COQ8A: variants seen among roughly 807,000 people sequenced by gnomAD.
COQ8A encodes atypical kinase COQ8A, mitochondrial.
In COQ8A, 51 loss-of-function variants were observed where a neutral mutation model predicts 65.0. That is an observed-to-expected ratio of 0.78 (90% confidence interval 0.63 to 0.99). The LOEUF (loss-of-function observed/expected upper bound fraction) is 0.99. COQ8A is among the 50% of genes least tolerant of loss of function. COQ8A has a pLI of 0.00. For synonymous variants in COQ8A, 371 were observed against 353.2 expected (o/e 1.05, Z -0.57); for missense variants, 940 against 875.0 (o/e 1.07, Z -0.94).
chr1:226,976,773 G>A (rs1659263180), intron 4 of COQ8A, among the ~76,000 whole-genome samples: 1 of 152,160 alleles, frequency 6.6e-6, no homozygotes, highest in Non-Finnish European at 1.5e-5. Flanking sequence ...GATTGTGAAA[G>A]AGGATAATGG....
intron 1 of COQ8A, among the ~76,000 whole-genome samples, chr1:226,948,685 G>A (rs772900347): frequency 9.2e-5 from 14 of 152,136 alleles, no homozygotes; most frequent in Non-Finnish European, 2.1e-4. Context: ...GGATCACTCT[G>A]TGTGTGTGGG....
Position 226,982,083 on chromosome 1 carries a change from A to T in COQ8A, c.787A>T (p.Ile263Phe), listed in dbSNP as rs769965625. ...CCTGTCCGAGGCCAATGCAGAGCGGATCGTGCGCACGCTCTGCAAGGTGCG... is the reference window on the plus strand; with the variant it reads ...CCTGTCCGAGGCCAATGCAGAGCGGTTCGTGCGCACGCTCTGCAAGGTGCG... The part of the protein sequence containing the change: ...PFLSEANAER[I>F]VRTLCKVRGA... The change falls in exon 6 of 15, where the codon ATC (isoleucine) becomes TTC (phenylalanine). Residue 263 changes from isoleucine (I) to phenylalanine (F), a missense_variant. Transcript: ENST00000366777. The T allele has an allele frequency of 1.2e-6, 2 of 1,612,654 alleles. No homozygotes were observed. The highest frequency in any genetic ancestry group is 1.7e-6 in the Non-Finnish European group (2 of 1,179,936).
rs544410366 is a variant in COQ8A at position 226,975,362 on chromosome 1, A to G, written c.656-2087A>G. ...CTTATCCTGCCCCATGCTGCCCAGT[A>G]CGGAGCCGCCAGCCGCACGGGGCCT... On this transcript the variant is annotated intron_variant, in intron 4 of 14. Coordinates refer to ENST00000366777, the MANE Select transcript of COQ8A (RefSeq NM_020247.5). 2.6e-5 allele frequency among the ~76,000 whole-genome samples: 4 copies of G among 152,236 alleles called. No individual in the cohort carries two copies. In the South Asian group the frequency reaches 8.3e-4, roughly 32 times the overall value.
chr1:226,984,990 G>A (rs745839923), intron 13 of COQ8A, 49 bp downstream of exon 13: 7 of 1,604,652 alleles, frequency 4.4e-6, no homozygotes, highest in Non-Finnish European at 5.1e-6. Context: ...CTGAGGCTGG[G>A]ACAGGATGCT....
At chr1:226,964,224 T>C (rs961398160) in intron 2 of COQ8A, among the ~76,000 whole-genome samples, 4 of 152,186 alleles carry the variant, frequency 2.6e-5, no homozygotes, top group Admixed American at 6.5e-5. Context: ...AATTATAGGC[T>C]CCTGGGTGCT....
intron 4 of COQ8A, among the ~76,000 whole-genome samples, chr1:226,974,212 G>A (rs1405294149): frequency 6.6e-6 from 1 of 152,214 alleles, no homozygotes; most frequent in Non-Finnish European, 1.5e-5. Context: ...AGGTTGGCCT[G>A]CAGCCTGTGT....
At position 226,978,786 on chromosome 1, in the gene COQ8A, A is replaced by T. The variant is rs1343782205; in HGVS notation, c.730+1263A>T. On this transcript the variant is annotated intron_variant, in intron 5 of 14. Coordinates refer to ENST00000366777, the MANE Select transcript of COQ8A (RefSeq NM_020247.5). ...CACCCGCATACCTCCGTACACACCC[A>T]CCTCTCACCCGCACAGCTCCTTACA... Among the ~76,000 whole-genome samples, 72 of 89,130 alleles carry T rather than the reference A, an allele frequency of 8.1e-4. 3 individuals carry two copies. The highest frequency in any genetic ancestry group is 2.4e-3 in the African/African-American group (67 of 27,860). 58.5% of individuals were successfully genotyped at this position (89,130 alleles called of 152,430 possible).
chr1:226,982,717 A>G lies in COQ8A; in HGVS notation c.893A>G (p.Glu298Gly). The G allele has an allele frequency of 1.9e-6, 3 of 1,613,638 alleles. No individual in the cohort carries two copies. The South Asian group carries it at 3.3e-5, about 18-fold the overall frequency. Residue 298 changes from glutamate (E) to glycine (G), a missense_variant, in exon 7 of 15, where the codon GAG becomes GGG. Physicochemically the swap from Glu to Gly is moderately conservative, Grantham distance 98. Transcript: ENST00000366777. ...FINPHLAKIFERVRQSADFMP... is the reference protein window; with the variant it reads ...FINPHLAKIFGRVRQSADFMP... ...AACCCCCACCTGGCTAAGATCTTCG[A>G]GCGGGTGCGGCAGAGCGCGGACTTC...
In COQ8A at chr1:226,965,366, C is replaced by T. The variant is rs371273838; in HGVS notation, c.544C>T (p.Arg182Trp). 17 of 1,612,180 alleles carry T rather than the reference C, an allele frequency of 1.1e-5. No individual in the cohort carries two copies. Among genetic ancestry groups the T allele is most frequent in the Middle Eastern group, 1.6e-4 (1 of 6,082 alleles). Residue 182 changes from arginine (R) to tryptophan (W), a missense_variant, in exon 3 of 15, where the codon CGG becomes TGG. By Grantham distance (101) the Arg-to-Trp change is moderately radical. Transcript: ENST00000366777. ...GLTAEDIEKA[R>W]QAKARPENKQ... ...CACAGCCGAGGACATTGAGAAGGCC[C>T]GGCAGGCTAAGGCTCGCCCCGAGAA...
At chr1:226,985,362 C>T (rs777356507) in intron 14 of COQ8A, 22 bp downstream of exon 14, 1 of 1,611,708 alleles carries the variant, frequency 6.2e-7, no homozygotes, top group Non-Finnish European at 8.5e-7. Context: ...TGCGGGGGAT[C>T]CCCTGGGCCT....
At chr1:226,980,866 T>G (rs1659642499) in intron 5 of COQ8A, among the ~76,000 whole-genome samples, 1 of 152,098 alleles carries the variant, frequency 6.6e-6, no homozygotes, top group African/African-American at 2.4e-5. Context: ...CCCACCCTGG[T>G]TTCTCAGGGG....
intron 5 of COQ8A, 150 bp downstream of exon 5, chr1:226,977,673 G>A (rs991723773): frequency 1.2e-6 from 1 of 864,844 alleles, no homozygotes; most frequent in South Asian, 1.7e-5. Context: ...GGGGTGATGA[G>A]GCTGTTCATA....
chr1:226,977,876 G>A (rs532810873), intron 5 of COQ8A, among the ~76,000 whole-genome samples: 111 of 133,026 alleles, frequency 8.3e-4, no homozygotes, highest in Middle Eastern at 4.6e-3. Flanking sequence ...CCGAACACCC[G>A]CAGACCTTAC....
intron 1 of COQ8A, among the ~76,000 whole-genome samples, chr1:226,960,483 A>ACTTGGTGGTGGTGGTGGTG (rs1558187620): frequency 4.5e-5 from 4 of 88,966 alleles, no homozygotes; most frequent in Non-Finnish European, 9.1e-5. Context: ...TGGCAGTGGT[A>ACTTGGTGGTGGTGGTGGTG]CTTGGTGGTG....
intron 1 of COQ8A, among the ~76,000 whole-genome samples, chr1:226,959,707 T>C (rs1351939979): frequency 6.6e-6 from 1 of 152,258 alleles, no homozygotes; most frequent in Non-Finnish European, 1.5e-5. Context: ...TTTCCCCTAT[T>C]GGGCCCTCCT....
chr1:226,981,322 C>T lies in COQ8A; in HGVS notation c.731-705C>T, dbSNP rs191327094. ...CACGCCTGCTGGCAGTTGACTTAGCCGGCCTTCTGCTGCTCCTGAGTCGCG... is the reference window on the plus strand; with the variant it reads ...CACGCCTGCTGGCAGTTGACTTAGCTGGCCTTCTGCTGCTCCTGAGTCGCG... On this transcript the variant is annotated intron_variant, in intron 5 of 14. Coordinates refer to ENST00000366777, the MANE Select transcript of COQ8A (RefSeq NM_020247.5). 1.5e-3 allele frequency among the ~76,000 whole-genome samples: 223 copies of T among 152,334 alleles called. 1 individual carries two copies. The highest frequency in any genetic ancestry group is 5.2e-3 in the African/African-American group (218 of 41,576).
At chr1:226,955,454 CACTCTCCCTGGCTCCT>C (rs1416093215) in intron 1 of COQ8A, among the ~76,000 whole-genome samples, 43 of 148,230 alleles carry the variant, frequency 2.9e-4, no homozygotes, top group African/African-American at 9.0e-4. Flanking sequence ...CCTTGGCTGC[CACTCTCCCTGGCTCCT>C]ACTCTCCCTG....
intron 4 of COQ8A, among the ~76,000 whole-genome samples, chr1:226,975,633 A>G (rs1558198077): frequency 6.6e-6 from 1 of 151,840 alleles, no homozygotes; most frequent in Admixed American, 6.6e-5. Context: ...CTTGCCTTCT[A>G]TTTCTTTTGT....
At chr1:226,969,928 C>T (rs1658785441) in intron 4 of COQ8A, among the ~76,000 whole-genome samples, 1 of 152,066 alleles carries the variant, frequency 6.6e-6, no homozygotes, top group South Asian at 2.1e-4. Context: ...ACCTGTTTTG[C>T]CTTCTTTTAA....
Sources: gnomAD v4.1 joint callset for allele counts (sites outside exome capture counted in the v4.1 genomes callset) on GRCh38, gnomAD v4.1.1 for gene constraint, MANE v1.5 for transcripts, NCBI Gene and HGNC (gene_info 2026-07-23, HGNC 2026-07-21) for gene names.